Variants in COP1 observed in about 807,000 individuals in gnomAD.
The protein encoded by COP1 is E3 ubiquitin-protein ligase COP1.
A neutral mutation model predicts 101.3 loss-of-function variants in COP1; 24 were observed. The observed-to-expected ratio is 0.24, with a 90% CI of 0.17 to 0.33. COP1 has a LOEUF of 0.33. Among genes scored for constraint, COP1 ranks in the 10% least tolerant of loss-of-function variants. The pLI is 1.00. For synonymous variants in COP1, 347 were observed against 341.9 expected (o/e 1.01, Z -0.17); for missense variants, 663 against 906.2 (o/e 0.73, Z 3.45).
At chr1:176,119,959 C>T (rs1032647061) in intron 8 of COP1, among the ~76,000 whole-genome samples, 12 of 151,996 alleles carry the variant, frequency 7.9e-5, no homozygotes, top group African/African-American at 2.9e-4. Context: ...TTATTCAAAC[C>T]CAAGCAGTCA....
chr1:176,168,339 G>T (rs1695466906), intron 3 of COP1, among the ~76,000 whole-genome samples: 1 of 151,210 alleles, frequency 6.6e-6, no homozygotes, highest in Non-Finnish European at 1.5e-5. Context: ...TTACAGGCGT[G>T]AGCCACCACC....
chr1:176,206,533 A>G lies in COP1; in HGVS notation c.407+39T>C, dbSNP rs1296823749. The stretch of plus-strand genomic sequence containing the variant: ...CCCCAAGCCTAAGCGGCAGAAACTC[A>G]TAATTTAGGGACAAGGAGGGAGTGC... On this transcript the variant is annotated intron_variant, in intron 1 of 19. Coordinates refer to ENST00000367669, the MANE Select transcript of COP1 (RefSeq NM_022457.7). 9 of 1,573,172 alleles carry G rather than the reference A, an allele frequency of 5.7e-6. No individual in the cohort carries two copies. The African/African-American group carries it at 6.8e-5, about 12-fold the overall frequency.
intron 14 of COP1, 34 bp downstream of exon 14, chr1:176,043,152 G>T (rs767479296): frequency 7.7e-7 from 1 of 1,304,150 alleles, no homozygotes; most frequent in East Asian, 2.3e-5. Flanking sequence ...GGGCCAGGGA[G>T]AAGGAGGTGC....
At chr1:176,071,057 G>T (rs1318672151) in intron 11 of COP1, among the ~76,000 whole-genome samples, 2 of 152,158 alleles carry the variant, frequency 1.3e-5, no homozygotes, top group Non-Finnish European at 2.9e-5. Context: ...TTGGATATTT[G>T]TACCTGCCCA....
Position 176,116,639 on chromosome 1 carries a change from G to A in COP1, c.1011C>T (p.Phe337=). Reference sequence around the variant, plus strand: ...TATCGTTTACCTGAGAACTGCCACTGAAACCTGGAGGTTGGCTGTATTCTG... The same window carrying A: ...TATCGTTTACCTGAGAACTGCCACTAAAACCTGGAGGTTGGCTGTATTCTG... The part of the protein sequence containing the change: ...DSTEYSQPPG[F]SGSSQTKKQP... The change falls in exon 9 of 20, where the codon TTC becomes TTT. Residue 337 remains phenylalanine (F), a synonymous_variant. Coordinates refer to ENST00000367669, the MANE Select transcript of COP1 (RefSeq NM_022457.7). 6.2e-7 allele frequency: 1 copy of A among 1,611,746 alleles called. No individual in the cohort carries two copies. The highest frequency in any genetic ancestry group is 2.2e-5 in the East Asian group (1 of 44,766).
At chr1:176,022,740 C>A (rs1666965414) in intron 15 of COP1, among the ~76,000 whole-genome samples, 1 of 137,498 alleles carries the variant, frequency 7.3e-6, no homozygotes, top group Non-Finnish European at 1.7e-5. Flanking sequence ...CTGCTTCAGA[C>A]CGAGGAAAAT....
chr1:175,947,001 T>G (rs1391829884), intron 19 of COP1, among the ~76,000 whole-genome samples, 194 bp downstream of exon 19: 2 of 152,176 alleles, frequency 1.3e-5, no homozygotes, highest in African/African-American at 4.8e-5. Flanking sequence ...CCATACAACC[T>G]CAATAAGCAC....
intron 9 of COP1, among the ~76,000 whole-genome samples, chr1:176,112,246 G>T (rs1572305804): frequency 1.3e-5 from 2 of 149,824 alleles, no homozygotes; most frequent in Admixed American, 6.6e-5. Flanking sequence ...AATTCTGATT[G>T]TTTTTCTTTT....
At chr1:175,995,863 C>A (rs370215801) in intron 15 of COP1, among the ~76,000 whole-genome samples, 1 of 151,956 alleles carries the variant, frequency 6.6e-6, no homozygotes, top group East Asian at 1.9e-4. Context: ...TTCCAATCAA[C>A]AGAAAAAGAG....
intron 3 of COP1, chr1:176,168,756 G>A: frequency 3.6e-6 from 1 of 275,352 alleles, no homozygotes; most frequent in Non-Finnish European, 7.5e-6. Flanking sequence ...ACACTGGAGG[G>A]AAGTAAGGGA....
intron 18 of COP1, among the ~76,000 whole-genome samples, chr1:175,956,732 C>T (rs184423830): frequency 6.6e-6 from 1 of 152,104 alleles, no homozygotes; most frequent in East Asian, 1.9e-4. Flanking sequence ...GATTATTGTA[C>T]TATACTTCTT....
At chr1:175,996,596 C>T (rs1308563785) in intron 15 of COP1, among the ~76,000 whole-genome samples, 1 of 151,904 alleles carries the variant, frequency 6.6e-6, no homozygotes, top group Non-Finnish European at 1.5e-5. Flanking sequence ...CATTCTTATA[C>T]ACCAATAACA....
Position 176,138,854 on chromosome 1 carries a change from T to C in COP1, c.832-2307A>G, listed in dbSNP as rs533191965. ...GGACATTTTCAACTCCAGCATCCAG[T>C]GATGCTGACCTCTAATTCAGCAAAA... On this transcript the variant is annotated intron_variant, in intron 6 of 19. Coordinates refer to ENST00000367669, the MANE Select transcript of COP1 (RefSeq NM_022457.7). 2.0e-5 allele frequency among the ~76,000 whole-genome samples: 3 copies of C among 152,304 alleles called. No individual in the cohort carries two copies. In the South Asian group the frequency reaches 6.2e-4, roughly 32 times the overall value.
rs1694843519 is a variant in COP1 at position 176,164,766 on chromosome 1, A to T, written c.566-875T>A. ...TCCCGTGAATCGATACATTTTCCAT[A>T]ATGTTTAACCACTTTAAATTGGATC... On this transcript the variant is annotated intron_variant, in intron 3 of 19. Coordinates refer to ENST00000367669, the MANE Select transcript of COP1 (RefSeq NM_022457.7). 1.3e-5 allele frequency among the ~76,000 whole-genome samples: 2 copies of T among 152,216 alleles called. 1 individual carries two copies. The highest frequency in any genetic ancestry group is 4.1e-4 in the South Asian group (2 of 4,832).
At chr1:175,997,362 C>T (rs1328286600) in intron 15 of COP1, among the ~76,000 whole-genome samples, 8 of 151,834 alleles carry the variant, frequency 5.3e-5, no homozygotes, top group Non-Finnish European at 1.2e-4. Context: ...TCTAAAACAC[C>T]AAAAGCAATG....
chr1:176,138,791 C>T (rs1690193180), intron 6 of COP1, among the ~76,000 whole-genome samples: 1 of 152,132 alleles, frequency 6.6e-6, no homozygotes. Context: ...ATAAACATCC[C>T]AGTTATTCTC....
Position 176,065,661 on chromosome 1 carries a change from G to A in COP1, c.1277+15491C>T, listed in dbSNP as rs148650322. On this transcript the variant is annotated intron_variant, in intron 11 of 19. Coordinates refer to ENST00000367669, the MANE Select transcript of COP1 (RefSeq NM_022457.7). ...CAGAACATAAACTCCTTTTGGGAAA[G>A]TGTTTCCCCCACTCCACTTCCTGTA... Among the ~76,000 whole-genome samples, 389 of 150,522 alleles carry A rather than the reference G, an allele frequency of 2.6e-3. 3 individuals carry two copies. The highest frequency in any genetic ancestry group is 9.1e-3 in the African/African-American group (371 of 40,972).
chr1:176,028,306 TGTA>T (rs1668031896), intron 14 of COP1, among the ~76,000 whole-genome samples: 1 of 151,960 alleles, frequency 6.6e-6, no homozygotes, highest in Admixed American at 6.6e-5. Context: ...GGCTCATGAC[TGTA>T]ATCACAGCAC....
chr1:175,945,216 T>A, intron 19 of COP1, 46 bp from the exon 20 acceptor site: 1 of 1,383,904 alleles, frequency 7.2e-7, no homozygotes, highest in Non-Finnish European at 1.0e-6. Flanking sequence ...TCATTTAAGA[T>A]ATAAAAGGAA....
Sources: allele counts gnomAD v4.1 joint callset (sites outside exome capture counted in the v4.1 genomes callset), GRCh38; gene constraint gnomAD v4.1.1; transcripts MANE v1.5; gene names NCBI Gene and HGNC (gene_info 2026-07-23, HGNC 2026-07-21).